The following CERS3 variants were observed in gnomAD, a reference collection of about 807,000 sequenced individuals.
CERS3 encodes ceramide synthase 3, also known as LAG1 homolog, ceramide synthase 3.
A neutral mutation model predicts 50.3 loss-of-function variants in CERS3; 33 were observed. The observed-to-expected ratio is 0.66, with a 90% CI of 0.50 to 0.88. CERS3 has a LOEUF of 0.88. Among genes scored for constraint, CERS3 ranks in the 40% least tolerant of loss-of-function variants. The pLI, the probability that CERS3 is intolerant of heterozygous loss-of-function variation, is 0.00. For synonymous variants in CERS3, 176 were observed against 155.2 expected (o/e 1.13, Z -0.99); for missense variants, 470 against 460.3 (o/e 1.02, Z -0.19).
intron 11 of CERS3, among the ~76,000 whole-genome samples, chr15:100,451,622 G>A (rs915570191): frequency 2.6e-5 from 4 of 152,152 alleles, no homozygotes; most frequent in African/African-American, 9.7e-5. Flanking sequence ...TGGGAGAATG[G>A]CGTGAACCTG....
intron 11 of CERS3, among the ~76,000 whole-genome samples, chr15:100,421,145 C>G (rs543632549): frequency 1.3e-5 from 2 of 151,832 alleles, no homozygotes; most frequent in African/African-American, 2.4e-5. Flanking sequence ...GTCAAATTGA[C>G]CATGTTTGCA....
chr15:100,533,232 T>G (rs1402725217), upstream of CERS3, among the ~76,000 whole-genome samples: 1 of 152,164 alleles, frequency 6.6e-6, no homozygotes, highest in Admixed American at 6.5e-5. Context: ...TGCTTCATTT[T>G]CCTCCACGTC....
chr15:100,415,919 C>T (rs148166986), intron 11 of CERS3, among the ~76,000 whole-genome samples: 3 of 151,390 alleles, frequency 2.0e-5, no homozygotes, highest in South Asian at 2.1e-4. Context: ...TGTAGCAAAC[C>T]TACATGTTCT....
At chr15:100,470,619 T>C (rs2034937395) in intron 9 of CERS3, among the ~76,000 whole-genome samples, 1 of 152,112 alleles carries the variant, frequency 6.6e-6, no homozygotes, top group Non-Finnish European at 1.5e-5. Flanking sequence ...TGTGAGTCCA[T>C]TTGTGAGGGT....
chr15:100,507,005 C>A (rs935179622), intron 2 of CERS3, among the ~76,000 whole-genome samples: 12 of 152,108 alleles, frequency 7.9e-5, no homozygotes, highest in Non-Finnish European at 1.8e-4. Flanking sequence ...CAACTTTTAA[C>A]CTTTACACCT....
intron 11 of CERS3, among the ~76,000 whole-genome samples, chr15:100,445,899 C>T (rs1458973024): frequency 2.0e-5 from 3 of 152,202 alleles, no homozygotes; most frequent in Non-Finnish European, 2.9e-5. Flanking sequence ...GACAGTCCAC[C>T]ACAAAAGAAG....
chr15:100,443,988 T>C (rs1184157649), intron 11 of CERS3, among the ~76,000 whole-genome samples: 3 of 152,086 alleles, frequency 2.0e-5, no homozygotes, highest in Non-Finnish European at 4.4e-5. Context: ...CTGCCCCCAT[T>C]CTAGCTCTCC....
At chr15:100,429,901 C>T (rs1288102127) in intron 11 of CERS3, among the ~76,000 whole-genome samples, 1 of 151,924 alleles carries the variant, frequency 6.6e-6, no homozygotes, top group East Asian at 1.9e-4. Flanking sequence ...AAGTCAAATC[C>T]GGATGTCTAC....
intron 2 of CERS3, among the ~76,000 whole-genome samples, chr15:100,509,672 C>G (rs2036283511): frequency 6.6e-6 from 1 of 152,128 alleles, no homozygotes; most frequent in Non-Finnish European, 1.5e-5. Context: ...GGTCAGGTGA[C>G]CAGCTAGGTT....
chr15:100,467,414 G>A (rs1368423502), intron 10 of CERS3, among the ~76,000 whole-genome samples: 2 of 152,242 alleles, frequency 1.3e-5, no homozygotes, highest in Non-Finnish European at 2.9e-5. Flanking sequence ...CAGCCCATGA[G>A]CTAAGTAAGT....
intron 1 of CERS3, among the ~76,000 whole-genome samples, chr15:100,528,032 G>A (rs2036844916): frequency 1.3e-5 from 2 of 152,080 alleles, no homozygotes; most frequent in South Asian, 4.1e-4. Flanking sequence ...GAACATTGTG[G>A]GTTAATGAAT....
At chr15:100,543,587 T>C (rs1008406278) in intron 1 of CERS3, among the ~76,000 whole-genome samples, 3 of 150,856 alleles carry the variant, frequency 2.0e-5, no homozygotes, top group African/African-American at 7.3e-5. Flanking sequence ...TGGAGTGCAA[T>C]GGCGCGATCT....
At chr15:100,426,476 G>T (rs1286669864) in intron 11 of CERS3, among the ~76,000 whole-genome samples, 1 of 152,168 alleles carries the variant, frequency 6.6e-6, no homozygotes, top group Non-Finnish European at 1.5e-5. Flanking sequence ...AAGGATACCA[G>T]CTTCAAGACA....
chr15:100,526,134 T>A (rs78557766), intron 1 of CERS3, among the ~76,000 whole-genome samples: 2,046 of 152,354 alleles, frequency 0.013, 21 homozygotes, highest in East Asian at 0.029. Flanking sequence ...AACACCATTC[T>A]TGATGCCAGC....
intron 11 of CERS3, among the ~76,000 whole-genome samples, chr15:100,425,277 T>C (rs1212972737): frequency 2.6e-5 from 4 of 152,096 alleles, no homozygotes; most frequent in African/African-American, 7.2e-5. Context: ...AAATGGTAGA[T>C]TTATTGACAG....
chr15:100,529,160 C>T (rs1031869020), upstream of CERS3: 16 of 152,212 alleles, frequency 1.1e-4, no homozygotes, highest in African/African-American at 3.6e-4. Context: ...TTGGTGCACA[C>T]AGTCATCTGT....
chr15:100,459,628 C>T (rs1255120886), intron 10 of CERS3, among the ~76,000 whole-genome samples: 1 of 152,104 alleles, frequency 6.6e-6, no homozygotes, highest in East Asian at 1.9e-4. Context: ...TTTGATTATC[C>T]ACTTAGAATA....
chr15:100,511,281 T>A (rs978618587), intron 2 of CERS3, among the ~76,000 whole-genome samples: 19 of 151,950 alleles, frequency 1.3e-4, no homozygotes, highest in African/African-American at 4.6e-4. Flanking sequence ...AGAGCAAGAC[T>A]CCATCTCAAA....
At chr15:100,483,777 T>A (rs1391620335) in intron 5 of CERS3, among the ~76,000 whole-genome samples, 7 of 39,746 alleles carry the variant, frequency 1.8e-4, no homozygotes, top group African/African-American at 6.5e-4. Context: ...TAATAATAAT[T>A]ATTATTATTA....
Sources: gnomAD v4.1 joint callset for allele counts (sites outside exome capture counted in the v4.1 genomes callset) on GRCh38, gnomAD v4.1.1 for gene constraint, MANE v1.5 for transcripts, NCBI Gene and HGNC (gene_info 2026-07-23, HGNC 2026-07-21) for gene names.